Variants in C1QTNF3 observed in about 807,000 individuals in gnomAD.
C1QTNF3 encodes the protein C1q and TNF related 3, also known as complement C1q tumor necrosis factor-related protein 3.
C1QTNF3 carries 26 observed loss-of-function variants against 32.6 expected under a neutral mutation model. That is an observed-to-expected ratio of 0.80 (90% CI 0.58 to 1.11). C1QTNF3 has a LOEUF of 1.11. C1QTNF3 is among the 50% of genes least tolerant of loss of function. The probability of loss-of-function intolerance (pLI) is 0.00; values close to 1 mark genes in which losing one functional copy is unlikely to be tolerated. For missense variants in C1QTNF3, 362 were observed against 398.2 expected (o/e 0.91, Z 0.77); for synonymous variants, 155 against 146.0 (o/e 1.06, Z -0.44).
chr5:34,232,722 C>T, the C1QTNF3 span, among the ~76,000 whole-genome samples: 1 of 151,904 alleles, frequency 6.6e-6, no homozygotes. Context: ...GCCTGAAGAA[C>T]TATGAATCAA....
chr5:34,077,321 A>C, the C1QTNF3 span, among the ~76,000 whole-genome samples: 1 of 151,730 alleles, frequency 6.6e-6, no homozygotes, highest in African/African-American at 2.4e-5. Flanking sequence ...CTGTAAGCCA[A>C]ATGACAACTT....
the C1QTNF3 span, among the ~76,000 whole-genome samples, chr5:34,054,638 A>G: frequency 6.6e-6 from 1 of 152,258 alleles, no homozygotes; most frequent in Non-Finnish European, 1.5e-5. Flanking sequence ...GAATTATGAA[A>G]GAGATTGTAG....
the C1QTNF3 span, among the ~76,000 whole-genome samples, chr5:34,134,035 TTGA>T: frequency 6.6e-6 from 1 of 152,236 alleles, no homozygotes; most frequent in Non-Finnish European, 1.5e-5. Flanking sequence ...TGTGAATGAC[TTGA>T]TGATAATTAT....
the C1QTNF3 span, among the ~76,000 whole-genome samples, chr5:34,140,300 T>A: frequency 6.6e-6 from 1 of 152,206 alleles, no homozygotes; most frequent in South Asian, 2.1e-4. Flanking sequence ...CTGAGCCAGC[T>A]GGGAAATCTT....
the C1QTNF3 span, among the ~76,000 whole-genome samples, chr5:34,065,037 A>G: frequency 2.0e-3 from 303 of 152,328 alleles, 2 homozygotes; most frequent in African/African-American, 6.9e-3. Context: ...AATAAAAACG[A>G]CAAGTAGGTC....
chr5:34,058,578 G>A, the C1QTNF3 span, among the ~76,000 whole-genome samples: 1 of 152,182 alleles, frequency 6.6e-6, no homozygotes, highest in Non-Finnish European at 1.5e-5. Flanking sequence ...TCAGACAAAT[G>A]ATAGGCTGGT....
the C1QTNF3 span, among the ~76,000 whole-genome samples, chr5:34,133,567 C>G: frequency 1.3e-5 from 2 of 152,136 alleles, no homozygotes; most frequent in East Asian, 3.8e-4. Flanking sequence ...ACATATAGAG[C>G]ATTGGATTCC....
chr5:34,071,432 A>G, the C1QTNF3 span, among the ~76,000 whole-genome samples: 3 of 152,170 alleles, frequency 2.0e-5, no homozygotes, highest in Non-Finnish European at 2.9e-5. Context: ...GTATTTCTTT[A>G]ATGACTCATT....
chr5:34,174,914 A>AT, the C1QTNF3 span, among the ~76,000 whole-genome samples: 6 of 149,418 alleles, frequency 4.0e-5, no homozygotes, highest in South Asian at 2.1e-4. Context: ...CGCCCGGCTG[A>AT]TTTTTTTTGT....
the C1QTNF3 span, among the ~76,000 whole-genome samples, chr5:34,056,414 ATATGTATGTG>A: frequency 1.2e-5 from 1 of 83,938 alleles, no homozygotes; most frequent in African/African-American, 3.6e-5. Flanking sequence ...ATATATATGT[ATATGTATGTG>A]TGTGTGTGTG....
At chr5:34,197,326 C>T in the C1QTNF3 span, among the ~76,000 whole-genome samples, 1 of 152,302 alleles carries the variant, frequency 6.6e-6, no homozygotes, top group Non-Finnish European at 1.5e-5. Context: ...CTGTAATATT[C>T]TTCAGAGATG....
At chr5:34,063,835 G>T in the C1QTNF3 span, among the ~76,000 whole-genome samples, 1 of 152,164 alleles carries the variant, frequency 6.6e-6, no homozygotes, top group African/African-American at 2.4e-5. Context: ...GAGGAAGTAG[G>T]TTCAGAGGTA....
chr5:34,219,076 CA>C, the C1QTNF3 span, among the ~76,000 whole-genome samples: 3 of 152,008 alleles, frequency 2.0e-5, no homozygotes, highest in Non-Finnish European at 2.9e-5. Flanking sequence ...TAAAAGATCA[CA>C]AAGTATATGG....
At chr5:34,154,044 AT>A in the C1QTNF3 span, among the ~76,000 whole-genome samples, 5 of 151,000 alleles carry the variant, frequency 3.3e-5, no homozygotes, top group African/African-American at 4.9e-5. Flanking sequence ...AAAAAAAAAA[AT>A]GTCATTTGGT....
the C1QTNF3 span, among the ~76,000 whole-genome samples, chr5:34,080,113 CTTT>C: frequency 6.6e-6 from 1 of 151,236 alleles, no homozygotes; most frequent in Non-Finnish European, 1.5e-5. Context: ...TAAAGCAGTT[CTTT>C]TTTTTAAAGT....
chr5:34,056,454 G>GTGTGTGTGTATATA, the C1QTNF3 span, among the ~76,000 whole-genome samples: 8 of 48,968 alleles, frequency 1.6e-4, no homozygotes, highest in East Asian at 9.8e-4. Context: ...GTGTGTGTGT[G>GTGTGTGTGTATATA]TATATATATA....
Position 34,018,040 on chromosome 5 carries a change from A to AGGTG in C1QTNF3, c.*2542_*2543insCACC, listed in dbSNP as rs1754237382. Among the ~76,000 whole-genome samples, 1 of 151,966 alleles carries AGGTG rather than the reference A, an allele frequency of 6.6e-6. No homozygotes were observed. Among genetic ancestry groups the AGGTG allele is most frequent in the Admixed American group, 6.5e-5 (1 of 15,274 alleles). ...GTTCTTAATATGTTTAGTCCAACCC[A>AGGTG]TTAGAGCAAGATACAAAAATATATA... is the stretch of plus-strand genomic sequence containing the variant. On this transcript the variant is annotated 3_prime_UTR_variant, in exon 6 of 6. Transcript: ENST00000382065.
At chr5:34,167,845 A>C in the C1QTNF3 span, 11 of 152,276 alleles carry the variant, frequency 7.2e-5, no homozygotes, top group African/African-American at 2.6e-4. Context: ...AATGTATGTT[A>C]ACCTTGTTTC....
At chr5:34,127,382 T>A in the C1QTNF3 span, among the ~76,000 whole-genome samples, 17 of 152,116 alleles carry the variant, frequency 1.1e-4, no homozygotes, top group Non-Finnish European at 1.8e-4. Context: ...GCTGAGGTAG[T>A]CTCAGATAGA....
Sources: allele counts gnomAD v4.1 joint callset (sites outside exome capture counted in the v4.1 genomes callset), GRCh38; gene constraint gnomAD v4.1.1; transcripts MANE v1.5; gene names NCBI Gene and HGNC (gene_info 2026-07-23, HGNC 2026-07-21).